KIF13A: variants seen among roughly 807,000 people sequenced by gnomAD.
KIF13A encodes kinesin-like protein KIF13A.
Under a neutral mutation model 212.2 loss-of-function variants are expected in KIF13A, and 79 were observed. The ratio of observed to expected loss-of-function variants is 0.37; its 90% CI spans 0.31 to 0.45. KIF13A has a LOEUF of 0.45. Ranked by LOEUF, KIF13A falls within the 20% of genes least tolerant of loss-of-function variation. The probability of loss-of-function intolerance (pLI) is 1.00; values close to 1 mark genes in which losing one functional copy is unlikely to be tolerated. For missense variants in KIF13A, 1,901 were observed against 2,209.0 expected (o/e 0.86, Z 2.79); for synonymous variants, 789 against 808.6 (o/e 0.98, Z 0.41).
intron 2 of KIF13A, among the ~76,000 whole-genome samples, chr6:17,920,570 C>T (rs1477703373): frequency 6.6e-6 from 1 of 152,166 alleles, no homozygotes; most frequent in Non-Finnish European, 1.5e-5. Context: ...ATTCACTCTA[C>T]TTTCATGTAA....
intron 2 of KIF13A, among the ~76,000 whole-genome samples, chr6:17,981,085 G>A (rs1781029036): frequency 6.7e-6 from 1 of 149,066 alleles, no homozygotes; most frequent in Non-Finnish European, 1.5e-5. Flanking sequence ...AATTTAAACT[G>A]TGTATACAGG....
At chr6:17,975,384 A>T (rs566437732) in intron 2 of KIF13A, among the ~76,000 whole-genome samples, 5 of 152,086 alleles carry the variant, frequency 3.3e-5, no homozygotes, top group Non-Finnish European at 5.9e-5. Context: ...AATATTACAA[A>T]TCTTAAGTTG....
chr6:17,942,118 T>C (rs1424698960), intron 2 of KIF13A, among the ~76,000 whole-genome samples: 2 of 151,768 alleles, frequency 1.3e-5, no homozygotes, highest in Non-Finnish European at 1.5e-5. Flanking sequence ...CTGGACAACA[T>C]GGCAAAACCT....
intron 22 of KIF13A, among the ~76,000 whole-genome samples, chr6:17,798,878 C>T (rs143926885): frequency 1.2e-3 from 189 of 152,120 alleles, no homozygotes; most frequent in African/African-American, 4.2e-3. Context: ...TGTTAAGATG[C>T]GCAAATTCTG....
At position 17,809,172 on chromosome 6, in the gene KIF13A, C is replaced by T. The variant is rs541878505; in HGVS notation, c.2001-242G>A. On this transcript the variant is annotated intron_variant, in intron 17 of 38. Coordinates refer to ENST00000259711, the MANE Select transcript of KIF13A (RefSeq NM_022113.6). This position sits in a 1 kb window ranked among gnomAD's most constrained non-coding sequence, Gnocchi z 4.7. ...AAACCACGTTTTAAATTATGTAACA[C>T]GTGAAAACGATCAGATTGTGATAGG... Among the ~76,000 whole-genome samples, 22 of 152,180 alleles carry T rather than the reference C, an allele frequency of 1.4e-4. No homozygotes were observed. Among genetic ancestry groups the T allele is most frequent in the Non-Finnish European group, 2.8e-4 (19 of 68,016 alleles).
At chr6:17,759,432 C>T (rs962459566), downstream of KIF13A, 1 of 152,116 alleles carries the variant, frequency 6.6e-6, no homozygotes, top group Non-Finnish European at 1.5e-5. Flanking sequence ...AGCAGCTTTT[C>T]ATTAAGGTTT....
intron 3 of KIF13A, among the ~76,000 whole-genome samples, chr6:17,884,201 C>T (rs1771337567): frequency 6.6e-6 from 1 of 152,210 alleles, no homozygotes; most frequent in Admixed American, 6.5e-5. Flanking sequence ...ACACACTCAT[C>T]TACCTAAGTA....
chr6:17,865,823 C>T (rs1297473584), intron 4 of KIF13A, among the ~76,000 whole-genome samples: 1 of 152,214 alleles, frequency 6.6e-6, no homozygotes, highest in Admixed American at 6.5e-5. Context: ...ACATTTTCCA[C>T]TGTAGCATTC....
At chr6:17,894,616 T>C (rs1198021788) in intron 3 of KIF13A, among the ~76,000 whole-genome samples, 1 of 152,164 alleles carries the variant, frequency 6.6e-6, no homozygotes, top group Non-Finnish European at 1.5e-5. Flanking sequence ...TTTCCCCAAT[T>C]ATTAACATCT....
At chr6:17,959,043 C>T (rs950369891) in intron 2 of KIF13A, among the ~76,000 whole-genome samples, 9 of 151,750 alleles carry the variant, frequency 5.9e-5, no homozygotes, top group African/African-American at 2.2e-4. Flanking sequence ...AATCACCATG[C>T]CAGGCTAATT....
At chr6:17,917,645 A>G (rs1432123560) in intron 2 of KIF13A, among the ~76,000 whole-genome samples, 2 of 152,176 alleles carry the variant, frequency 1.3e-5, no homozygotes, top group South Asian at 4.1e-4. Flanking sequence ...CACAAGACTA[A>G]GTAAAAGGCA....
Position 17,856,691 on chromosome 6 carries a change from C to T in KIF13A, c.221-569G>A, listed in dbSNP as rs541286434. Among the ~76,000 whole-genome samples the T allele has an allele frequency of 6.6e-5, 10 of 152,330 alleles. No homozygotes were observed. Among genetic ancestry groups the T allele is most frequent in the African/African-American group, 2.2e-4 (9 of 41,582 alleles). ...AGTTCTCTTTTGTGAATCTCTGTAT[C>T]ACACTGCAGCTCTTGGGGGCATTGT... On this transcript the variant is annotated intron_variant, in intron 4 of 38. Coordinates refer to ENST00000259711, the MANE Select transcript of KIF13A (RefSeq NM_022113.6). This position sits in a 1 kb window ranked among gnomAD's most constrained non-coding sequence, Gnocchi z 4.5.
intron 29 of KIF13A, among the ~76,000 whole-genome samples, chr6:17,782,663 A>ACAAAACAAAACAAAC (rs1760709700): frequency 6.6e-6 from 1 of 150,478 alleles, no homozygotes; most frequent in African/African-American, 2.5e-5. Flanking sequence ...ACAAAACAAA[A>ACAAAACAAAACAAAC]CAAATCTTAG....
In KIF13A at chr6:17,871,842, T is replaced by C. The variant is rs566932073; in HGVS notation, c.220+1535A>G. ...TTGAGTAACATAAATTGAACACGGT[T>C]AATGACGGGTTTGTATAACCATAGC... is the stretch of plus-strand genomic sequence containing the variant. On this transcript the variant is annotated intron_variant, in intron 4 of 38. Coordinates refer to ENST00000259711, the MANE Select transcript of KIF13A (RefSeq NM_022113.6). The surrounding 1 kb of genome is among the most constrained non-coding windows in gnomAD (Gnocchi z 4.4). Among the ~76,000 whole-genome samples, 1 of 152,346 alleles carries C rather than the reference T, an allele frequency of 6.6e-6. No homozygotes were observed. Among genetic ancestry groups the C allele is most frequent in the South Asian group, 2.1e-4 (1 of 4,830 alleles).
At position 17,771,741 on chromosome 6, in the gene KIF13A, C is replaced by T. The variant is rs1759516168; in HGVS notation, c.4476+167G>A. ...CAGCAGCAACAACAAACAAGAGATTCTACCATGACTCTGCATGCTTGAGAA... is the reference window on the plus strand; with the variant it reads ...CAGCAGCAACAACAAACAAGAGATTTTACCATGACTCTGCATGCTTGAGAA... On this transcript the variant is annotated intron_variant, in intron 37 of 38. Transcript: ENST00000259711. The surrounding 1 kb of genome is among the most constrained non-coding windows in gnomAD (Gnocchi z 5.4). 3 of 597,576 alleles carry T rather than the reference C, an allele frequency of 5.0e-6. No homozygotes were observed. The highest frequency in any genetic ancestry group is 5.0e-5 in the Admixed American group (2 of 40,200). 37.0% of individuals were successfully genotyped at this position (597,576 alleles called of 1,614,324 possible). A position where few individuals can be genotyped will look rare whatever the true frequency, so the allele number is the denominator to read the frequency against.
chr6:17,900,324 C>T lies in KIF13A; in HGVS notation c.147-2144G>A, dbSNP rs1458747554. Among the ~76,000 whole-genome samples, 1 of 152,186 alleles carries T rather than the reference C, an allele frequency of 6.6e-6. No individual in the cohort carries two copies. The highest frequency in any genetic ancestry group is 2.4e-5 in the African/African-American group (1 of 41,444). Reference sequence around the variant, plus strand: ...GTAGTACGTTCACCTTCTTAGCTGTCAATAACAAAATTATCCTTTCTTCAT... The same window carrying T: ...GTAGTACGTTCACCTTCTTAGCTGTTAATAACAAAATTATCCTTTCTTCAT... On this transcript the variant is annotated intron_variant, in intron 2 of 38. Coordinates refer to ENST00000259711, the MANE Select transcript of KIF13A (RefSeq NM_022113.6). The surrounding 1 kb of genome is among the most constrained non-coding windows in gnomAD (Gnocchi z 4.6).
chr6:17,938,555 C>T (rs1408269692), intron 2 of KIF13A, among the ~76,000 whole-genome samples: 1 of 152,016 alleles, frequency 6.6e-6, no homozygotes, highest in Non-Finnish European at 1.5e-5. Flanking sequence ...ATTGCGGCAG[C>T]CTGGAAACAT....
intron 3 of KIF13A, among the ~76,000 whole-genome samples, chr6:17,889,895 A>T (rs1581647408): frequency 6.6e-6 from 1 of 152,180 alleles, no homozygotes; most frequent in African/African-American, 2.4e-5. Context: ...GGCTCACTCT[A>T]GCACTTTGGG....
downstream of KIF13A, among the ~76,000 whole-genome samples, chr6:17,761,423 G>T (rs1430438385): frequency 6.6e-6 from 1 of 151,550 alleles, no homozygotes; most frequent in Non-Finnish European, 1.5e-5. Context: ...AGCTCCTGTT[G>T]CCCAGGCTGG....
Sources: gnomAD v4.1 joint callset for allele counts (sites outside exome capture counted in the v4.1 genomes callset) on GRCh38, gnomAD v4.1.1 for gene constraint, Gnocchi (gnomAD v3.1) non-coding constraint, MANE v1.5 for transcripts, NCBI Gene and HGNC (gene_info 2026-07-23, HGNC 2026-07-21) for gene names.